Variants in OR51B5 observed in about 807,000 individuals in gnomAD.
OR51B5 encodes the protein olfactory receptor family 51 subfamily B member 5, also known as olfactory receptor 51B5.
For synonymous variants in OR51B5, 186 were observed against 144.8 expected, an observed-to-expected ratio of 1.28 and a Z score of -2.04; for missense variants, 456 against 374.6, an observed-to-expected ratio of 1.22 and a Z score of -1.79.
chr11:5,351,819 T>G (rs1169085132), intron 1 of OR51B5: 1 of 1,614,156 alleles, frequency 6.2e-7, no homozygotes, highest in South Asian at 1.1e-5. Context: ...TTATCCATAC[T>G]CTTTCTGTCA....
chr11:5,471,373 C>T (rs1196877851), intron 1 of OR51B5, among the ~76,000 whole-genome samples: 2 of 152,132 alleles, frequency 1.3e-5, no homozygotes, highest in Admixed American at 6.5e-5. Context: ...TACAGTGGCT[C>T]ATACCTGTAA....
chr11:5,416,093 T>A (rs1228332167), intron 1 of OR51B5, among the ~76,000 whole-genome samples: 4 of 149,688 alleles, frequency 2.7e-5, no homozygotes, highest in Non-Finnish European at 4.4e-5. Flanking sequence ...CAAGTGGGCT[T>A]CATCCCTGGG....
intron 1 of OR51B5, chr11:5,391,377 A>G (rs1849793078): frequency 6.6e-6 from 1 of 152,196 alleles, no homozygotes; most frequent in Non-Finnish European, 1.5e-5. Flanking sequence ...AACATTTGTC[A>G]CACAGTAATG....
rs550742524 is a variant in OR51B5 at position 5,461,884 on chromosome 11, A to C, written n.84+43685T>G. Among the ~76,000 whole-genome samples the C allele has an allele frequency of 1.1e-4, 17 of 151,884 alleles. No homozygotes were observed. In the East Asian group the frequency reaches 3.1e-3, roughly 28 times the overall value. Reference sequence around the variant, plus strand: ...CCTGTTTCAGCATCCTCCTGTATCCACTCTGGATGCCTTCTTTCCGAAGAT... The same window carrying C: ...CCTGTTTCAGCATCCTCCTGTATCCCCTCTGGATGCCTTCTTTCCGAAGAT... On this transcript the variant is annotated intron_variant and non_coding_transcript_variant, in intron 1 of 4. Transcript: ENST00000415970.
At chr11:5,460,261 G>T (rs1273576474) in intron 1 of OR51B5, among the ~76,000 whole-genome samples, 3 of 152,118 alleles carry the variant, frequency 2.0e-5, no homozygotes, top group Non-Finnish European at 4.4e-5. Context: ...TGTGAAGAGG[G>T]AGAGGATCAA....
At chr11:5,412,512 G>A (rs141506720) in intron 1 of OR51B5, among the ~76,000 whole-genome samples, 3,005 of 152,340 alleles carry the variant, frequency 0.02, 105 homozygotes, top group African/African-American at 0.068. Context: ...GGAAGCGCAA[G>A]GGGTCAGGGA....
At chr11:5,351,671 A>T (rs1393420318) in intron 1 of OR51B5, 2 of 1,614,134 alleles carry the variant, frequency 1.2e-6, no homozygotes, top group South Asian at 2.2e-5. Flanking sequence ...AACCTCCATG[A>T]GCCCATGTAC....
intron 1 of OR51B5, among the ~76,000 whole-genome samples, chr11:5,428,339 C>T (rs2133766331): frequency 6.6e-6 from 1 of 152,146 alleles, no homozygotes; most frequent in Non-Finnish European, 1.5e-5. Context: ...ATAATATAGT[C>T]TGTTAAATGT....
chr11:5,364,192 A>C (rs1849330531), intron 1 of OR51B5, among the ~76,000 whole-genome samples: 1 of 152,204 alleles, frequency 6.6e-6, no homozygotes, highest in Admixed American at 6.5e-5. Flanking sequence ...ATATTTTCCT[A>C]AATTTTGACA....
rs1262581263 is a variant in OR51B5 at position 5,461,158 on chromosome 11, G to T, written n.84+44411C>A. On this transcript the variant is annotated intron_variant and non_coding_transcript_variant, in intron 1 of 4. Coordinates refer to the OR51B5 transcript ENST00000415970. ...TGATGGGGTGGCAAGTGAGGGCCCT[G>T]GTGAGTGCATGCCAATGGGATGACT... is the stretch of plus-strand genomic sequence containing the variant. Among the ~76,000 whole-genome samples, 26 of 152,306 alleles carry T rather than the reference G, an allele frequency of 1.7e-4. 4 individuals carry two copies. Among genetic ancestry groups the T allele is most frequent in the Admixed American group, 9.2e-4 (14 of 15,298 alleles).
At chr11:5,402,789 T>C (rs1340436875) in intron 1 of OR51B5, 2 of 471,484 alleles carry the variant, frequency 4.2e-6, no homozygotes, top group Non-Finnish European at 8.8e-6. Flanking sequence ...CATGTACCTC[T>C]TCCTTGCCAT....
At chr11:5,477,911 G>T (rs1162761409) in intron 1 of OR51B5, among the ~76,000 whole-genome samples, 2 of 151,828 alleles carry the variant, frequency 1.3e-5, no homozygotes, top group Non-Finnish European at 2.9e-5. Context: ...GGATCAAACT[G>T]CAAGGCAGCA....
chr11:5,485,346 G>A (rs1447206425), intron 1 of OR51B5, among the ~76,000 whole-genome samples: 1 of 152,174 alleles, frequency 6.6e-6, no homozygotes, highest in African/African-American at 2.4e-5. Flanking sequence ...TTATAATAGT[G>A]AGAGCTCTAG....
rs556772533 is a variant in OR51B5 at position 5,462,826 on chromosome 11, A to G, written n.84+42743T>C. ...GAACACAGGCAACCAGATGCCCTCCAGACAACTGAGGAGAGCATTTGCTCG... is the reference window on the plus strand; with the variant it reads ...GAACACAGGCAACCAGATGCCCTCCGGACAACTGAGGAGAGCATTTGCTCG... On this transcript the variant is annotated intron_variant and non_coding_transcript_variant, in intron 1 of 4. Coordinates refer to the OR51B5 transcript ENST00000415970. Among the ~76,000 whole-genome samples the G allele has an allele frequency of 2.0e-5, 3 of 152,352 alleles. No individual in the cohort carries two copies. In the South Asian group the frequency reaches 6.2e-4, roughly 32 times the overall value.
intron 1 of OR51B5, chr11:5,422,932 G>T: frequency 1.9e-6 from 3 of 1,614,056 alleles, no homozygotes; most frequent in South Asian, 1.1e-5. Flanking sequence ...ATAACTGCCT[G>T]TCCCACATTC....
intron 1 of OR51B5, among the ~76,000 whole-genome samples, chr11:5,440,082 C>G (rs889218733): frequency 6.6e-6 from 1 of 152,166 alleles, no homozygotes; most frequent in Non-Finnish European, 1.5e-5. Flanking sequence ...TACTTCATAA[C>G]CACTCAACAT....
At chr11:5,360,269 AT>A (rs1849260738) in intron 1 of OR51B5, among the ~76,000 whole-genome samples, 1 of 151,960 alleles carries the variant, frequency 6.6e-6, no homozygotes, top group South Asian at 2.1e-4. Flanking sequence ...AATATCCAGA[AT>A]CTATGATGAA....
At chr11:5,457,911 G>A (rs1184787996) in intron 1 of OR51B5, among the ~76,000 whole-genome samples, 2 of 152,110 alleles carry the variant, frequency 1.3e-5, no homozygotes, top group Non-Finnish European at 2.9e-5. Flanking sequence ...CATTCTGTAT[G>A]TTGTCTATTC....
chr11:5,469,418 C>A (rs1382052389), intron 1 of OR51B5: 1 of 152,178 alleles, frequency 6.6e-6, no homozygotes, highest in Non-Finnish European at 1.5e-5. Context: ...CCCAAAGCCC[C>A]CCATCAGGGT....
Sources: gnomAD v4.1 joint callset for allele counts (sites outside exome capture counted in the v4.1 genomes callset) on GRCh38, gnomAD v4.1.1 for gene constraint, MANE v1.5 for transcripts, NCBI Gene and HGNC (gene_info 2026-07-23, HGNC 2026-07-21) for gene names.